POU2F2: variants seen among roughly 807,000 people sequenced by gnomAD.
POU2F2 encodes the protein POU domain, class 2, transcription factor 2.
A neutral mutation model predicts 63.5 loss-of-function variants in POU2F2; 14 were observed. The observed-to-expected ratio is 0.22, with a 90% CI of 0.15 to 0.34. The LOEUF is 0.34. Among genes scored for constraint, POU2F2 ranks in the 10% least tolerant of loss-of-function variants. The pLI, the probability that POU2F2 is intolerant of heterozygous loss-of-function variation, is 1.00. For missense variants in POU2F2, 607 were observed against 815.2 expected (o/e 0.74, Z 3.11); for synonymous variants, 306 against 348.6 (o/e 0.88, Z 1.36).
At chr19:42,104,489 T>A (rs1027706193) in intron 5 of POU2F2, among the ~76,000 whole-genome samples, 6 of 151,920 alleles carry the variant, frequency 3.9e-5, no homozygotes, top group Admixed American at 2.0e-4. Flanking sequence ...ATGGGTTGGA[T>A]GAATGAGGGC....
At chr19:42,112,652 G>A (rs1282270586) in intron 5 of POU2F2, among the ~76,000 whole-genome samples, 2 of 152,044 alleles carry the variant, frequency 1.3e-5, no homozygotes, top group African/African-American at 2.4e-5. Context: ...TTACAGGCCT[G>A]AGCCACCCTG....
upstream of POU2F2, among the ~76,000 whole-genome samples, chr19:42,135,111 C>T (rs1021827982): frequency 2.0e-5 from 3 of 152,154 alleles, no homozygotes; most frequent in Non-Finnish European, 4.4e-5. Context: ...ACTCAGCCCC[C>T]AGCATCATCC....
intron 2 of POU2F2, among the ~76,000 whole-genome samples, chr19:42,158,564 G>A (rs1464290634): frequency 6.6e-6 from 1 of 152,220 alleles, no homozygotes; most frequent in Non-Finnish European, 1.5e-5. Context: ...GGGTTGCTGT[G>A]AGGATTAAAA....
Position 42,155,479 on chromosome 19 carries a change from G to A in POU2F2, c.-9+4853C>T, listed in dbSNP as rs375060043. ...GCCCTCCTATCCACCTCGTCCCCAA[G>A]AAAAGCAAGGTTGGGCACAGTGGTC... is the stretch of plus-strand genomic sequence containing the variant. On this transcript the variant is annotated intron_variant, in intron 2 of 6. Transcript: ENST00000524801. The surrounding 1 kb of genome is among the most constrained non-coding windows in gnomAD (Gnocchi z 4.2). 5.3e-5 allele frequency among the ~76,000 whole-genome samples: 8 copies of A among 152,156 alleles called. No homozygotes were observed. Among genetic ancestry groups the A allele is most frequent in the Admixed American group, 2.6e-4 (4 of 15,272 alleles).
intron 1 of POU2F2, among the ~76,000 whole-genome samples, chr19:42,165,682 T>C (rs560802169): frequency 2.0e-5 from 3 of 152,282 alleles, no homozygotes; most frequent in South Asian, 4.1e-4. Flanking sequence ...TGCTCAAACA[T>C]AGCATGAAGA....
rs1337848276 is a variant in POU2F2 at position 42,191,678 on chromosome 19, G to C, written c.-70+4705C>G. Among the ~76,000 whole-genome samples the C allele has an allele frequency of 2.0e-5, 3 of 152,336 alleles. No individual in the cohort carries two copies. The Middle Eastern group carries it at 0.01, about 518-fold the overall frequency. On this transcript the variant is annotated intron_variant, in intron 1 of 5. Transcript: ENST00000532176. ...CCAGGAGGGGTCTGGCAGACTGGCA[G>C]AAAACAGAGGGATCAAGGGAGTAGA... is the stretch of plus-strand genomic sequence containing the variant.
intron 5 of POU2F2, among the ~76,000 whole-genome samples, chr19:42,114,065 G>A (rs2031514453): frequency 6.6e-6 from 1 of 152,136 alleles, no homozygotes; most frequent in Non-Finnish European, 1.5e-5. Context: ...AGGGAAGCTG[G>A]GGAAGGAGGA....
upstream of POU2F2, chr19:42,137,135 G>A (rs764776756): frequency 5.3e-5 from 8 of 152,186 alleles, no homozygotes; most frequent in Non-Finnish European, 8.8e-5. Context: ...GTGGTTAAAA[G>A]CAACCCATAG....
At chr19:42,191,982 G>A (rs952948324) in intron 1 of POU2F2, among the ~76,000 whole-genome samples, 30 of 152,290 alleles carry the variant, frequency 2.0e-4, no homozygotes, top group African/African-American at 5.8e-4. Context: ...TGTGTCAGGC[G>A]TAAACACATG....
intron 1 of POU2F2, among the ~76,000 whole-genome samples, chr19:42,193,666 G>A (rs2035098203): frequency 6.6e-6 from 1 of 152,204 alleles, no homozygotes; most frequent in African/African-American, 2.4e-5. Context: ...AAGCCAGCAC[G>A]TTTATGGTAA....
intron 1 of POU2F2, among the ~76,000 whole-genome samples, chr19:42,167,576 G>C (rs2034678539): frequency 6.6e-6 from 1 of 152,214 alleles, no homozygotes; most frequent in Admixed American, 6.5e-5. Flanking sequence ...CCTGGGTCAG[G>C]AACAAGGTTT....
At chr19:42,166,789 A>G (rs1233864332) in intron 1 of POU2F2, among the ~76,000 whole-genome samples, 1 of 151,914 alleles carries the variant, frequency 6.6e-6, no homozygotes, top group African/African-American at 2.4e-5. Context: ...TAGGAGGTGG[A>G]CTCACTTGCC....
chr19:42,128,491 A>G (rs1270690393), intron 1 of POU2F2, among the ~76,000 whole-genome samples: 1 of 152,106 alleles, frequency 6.6e-6, no homozygotes, highest in East Asian at 1.9e-4. Flanking sequence ...CAAAATGGCC[A>G]ACTGCTGCCC....
chr19:42,164,953 CAAAAA>C (rs34319750), intron 1 of POU2F2, among the ~76,000 whole-genome samples: 1 of 120,350 alleles, frequency 8.3e-6, no homozygotes. Flanking sequence ...CAGGCTATCT[CAAAAA>C]AAAAAAAAAA....
chr19:42,187,937 T>C (rs1204908344), intron 1 of POU2F2, among the ~76,000 whole-genome samples: 1 of 152,142 alleles, frequency 6.6e-6, no homozygotes, highest in East Asian at 1.9e-4. Flanking sequence ...TGTCCTCGTG[T>C]GGTGCCCTCT....
upstream of POU2F2, among the ~76,000 whole-genome samples, chr19:42,177,598 A>G (rs1330200468): frequency 2.0e-5 from 3 of 152,140 alleles, no homozygotes; most frequent in East Asian, 5.8e-4. Context: ...AGAAGGGGAC[A>G]CGGAGACAAG....
intron 1 of POU2F2, 125 bp downstream of exon 1, chr19:42,132,259 T>A: frequency 9.3e-7 from 1 of 1,077,070 alleles, no homozygotes; most frequent in Non-Finnish European, 1.3e-6. Context: ...AGAGAGGGAG[T>A]TGCTAGAGTA....
At chr19:42,141,564 C>CAAGCGA (rs909034363) in intron 2 of POU2F2, among the ~76,000 whole-genome samples, 2 of 150,326 alleles carry the variant, frequency 1.3e-5, no homozygotes, top group African/African-American at 4.9e-5. Flanking sequence ...TCACTACAAC[C>CAAGCGA]TCTGCCTCCT....
rs957567475 is a variant in POU2F2 at position 42,152,296 on chromosome 19, G to A, written c.-9+8036C>T. ...TCGGGGAGAGGGCCGCAGCGAAGAA[G>A]AAGAGGGGGAGAATAAGGCGGGCCT... On this transcript the variant is annotated intron_variant, in intron 2 of 6. Transcript: ENST00000524801. The surrounding 1 kb of genome is among the most constrained non-coding windows in gnomAD (Gnocchi z 4.1). Among the ~76,000 whole-genome samples the A allele has an allele frequency of 3.3e-5, 5 of 152,158 alleles. No homozygotes were observed. Among genetic ancestry groups the A allele is most frequent in the Non-Finnish European group, 7.4e-5 (5 of 68,014 alleles).
Sources: allele counts gnomAD v4.1 joint callset (sites outside exome capture counted in the v4.1 genomes callset), GRCh38; gene constraint gnomAD v4.1.1; non-coding constraint Gnocchi (gnomAD v3.1); transcripts MANE v1.5; gene names NCBI Gene and HGNC (gene_info 2026-07-23, HGNC 2026-07-21).